The following LMX1B variants were observed in gnomAD, a reference collection of about 807,000 sequenced individuals.
LMX1B encodes the protein LIM homeobox transcription factor 1 beta, also known as LIM homeobox transcription factor 1-beta.
In LMX1B, 12 loss-of-function variants were observed where a neutral mutation model predicts 51.4. The ratio of observed to expected loss-of-function variants is 0.23; its 90% CI spans 0.15 to 0.38. LMX1B has a LOEUF of 0.38. Ranked by LOEUF, LMX1B falls within the 10% of genes least tolerant of loss-of-function variation. The probability of loss-of-function intolerance (pLI) is 1.00; values close to 1 mark genes in which losing one functional copy is unlikely to be tolerated. For missense variants in LMX1B, 445 were observed against 571.1 expected, an observed-to-expected ratio of 0.78 and a Z score of 2.25; for synonymous variants, 237 against 235.4, an observed-to-expected ratio of 1.01 and a Z score of -0.06.
chr9:126,614,340 C>T lies in LMX1B; in HGVS notation c.-110C>T. 5 of 780,306 alleles carry T rather than the reference C, an allele frequency of 6.4e-6. No homozygotes were observed. The highest frequency in any genetic ancestry group is 7.9e-6 in the Non-Finnish European group (5 of 633,340). The allele number at this position is 780,306 out of a possible 1,614,324, so 48.3% of individuals were successfully genotyped here. On this transcript the variant is annotated 5_prime_UTR_variant, in exon 1 of 8. Transcript: ENST00000373474. Reference sequence around the variant, plus strand: ...GCCGGGGGCCGGCGCAACCCCTGCCCTGCGGGGGCCGCGCCTCCCCGGTTC... The same window carrying T: ...GCCGGGGGCCGGCGCAACCCCTGCCTTGCGGGGGCCGCGCCTCCCCGGTTC...
chr9:126,691,083 G>T lies in LMX1B; in HGVS notation c.559+15G>T. On this transcript the variant is annotated intron_variant, in intron 3 of 7. Transcript: ENST00000373474. ...GTCCGACTCCGGTGAGGCCTGGCCTGAGCTGGGGGCAGGCCTCAGGGACGG... is the reference window on the plus strand; with the variant it reads ...GTCCGACTCCGGTGAGGCCTGGCCTTAGCTGGGGGCAGGCCTCAGGGACGG... 1 of 1,589,814 alleles carries T rather than the reference G, an allele frequency of 6.3e-7. No homozygotes were observed. The highest frequency in any genetic ancestry group is 8.6e-7 in the Non-Finnish European group (1 of 1,164,522).
intron 2 of LMX1B, among the ~76,000 whole-genome samples, chr9:126,621,102 TAAAG>T (rs1416046672): frequency 1.3e-5 from 2 of 151,842 alleles, no homozygotes; most frequent in Non-Finnish European, 2.9e-5. Flanking sequence ...TTCTAAAAAA[TAAAG>T]AAAAGGAAGA....
chr9:126,637,763 G>A lies in LMX1B; in HGVS notation c.326+22194G>A, dbSNP rs372162924. On this transcript the variant is annotated intron_variant, in intron 2 of 7. Coordinates refer to ENST00000373474, the MANE Select transcript of LMX1B (RefSeq NM_001174147.2). ...GGGAATTTCCTTTCACCTCTATCAC[G>A]TGCAGGGGAGGGCGGGGTGATGATG... Among the ~76,000 whole-genome samples the A allele has an allele frequency of 4.1e-4, 62 of 151,774 alleles. 1 individual carries two copies. The East Asian group carries it at 5.8e-3, about 14-fold the overall frequency.
intron 2 of LMX1B, among the ~76,000 whole-genome samples, chr9:126,682,588 T>C (rs1836696318): frequency 6.6e-6 from 1 of 152,082 alleles, no homozygotes; most frequent in Admixed American, 6.6e-5. Context: ...GGCCCGCACA[T>C]AGTAGACGCT....
At position 126,634,838 on chromosome 9, in the gene LMX1B, G is replaced by A. The variant is rs766950022; in HGVS notation, c.326+19269G>A. Among the ~76,000 whole-genome samples, 18 of 152,290 alleles carry A rather than the reference G, an allele frequency of 1.2e-4. No homozygotes were observed. The East Asian group carries it at 1.7e-3, about 15-fold the overall frequency. On this transcript the variant is annotated intron_variant, in intron 2 of 7. Transcript: ENST00000373474. ...CCAGGCAGGTGACATTTGGAGTCAC[G>A]AAAGGGGAGGAGGAGGGCTTTGCAG...
At chr9:126,645,344 G>C (rs545996773) in intron 2 of LMX1B, among the ~76,000 whole-genome samples, 1 of 152,346 alleles carries the variant, frequency 6.6e-6, no homozygotes, top group Non-Finnish European at 1.5e-5. Context: ...TGTCCTTGGG[G>C]AGCACCCAGT....
intron 2 of LMX1B, among the ~76,000 whole-genome samples, chr9:126,665,067 T>C (rs1321297461): frequency 1.3e-5 from 2 of 152,252 alleles, no homozygotes; most frequent in Non-Finnish European, 2.9e-5. Flanking sequence ...CAAGTGTCCA[T>C]TCAGGAATTG....
chr9:126,685,468 T>C (rs1836752649), intron 2 of LMX1B, among the ~76,000 whole-genome samples: 1 of 152,188 alleles, frequency 6.6e-6, no homozygotes, highest in South Asian at 2.1e-4. Context: ...GGTGTCTCTC[T>C]CCCAACCTTC....
Position 126,693,829 on chromosome 9 carries a change from G to A in LMX1B, c.886+17G>A, listed in dbSNP as rs1366783759. The A allele has an allele frequency of 1.7e-6, 2 of 1,175,152 alleles. No homozygotes were observed. Among genetic ancestry groups the A allele is most frequent in the African/African-American group, 1.5e-5 (1 of 66,020 alleles). 72.8% of individuals were successfully genotyped at this position (1,175,152 alleles called of 1,614,324 possible). On this transcript the variant is annotated intron_variant, in intron 6 of 7. Transcript: ENST00000373474. The stretch of plus-strand genomic sequence containing the variant: ...TGGGCCAGGGTGAGCCGGGGCCGGG[G>A]CAGGGCCTGGGCCAGGGTGAGCTGG...
rs939963089 is a variant in LMX1B, at chr9:126,691,611, A to AC, written c.559+549dup. Among the ~76,000 whole-genome samples the AC allele has an allele frequency of 6.0e-5, 9 of 148,922 alleles. No individual in the cohort carries two copies. The East Asian group carries it at 1.6e-3, about 27-fold the overall frequency. On this transcript the variant is annotated intron_variant, in intron 3 of 7. Coordinates refer to ENST00000373474, the MANE Select transcript of LMX1B (RefSeq NM_001174147.2). ...ACACACACCTCTTGTTCTCTGGCCC[A>AC]CCCCCCTTACCCTCTCTGCCTTGAT... is the stretch of plus-strand genomic sequence containing the variant.
chr9:126,621,655 C>CTTTTTTTTTTTTTT (rs71377950), intron 2 of LMX1B, among the ~76,000 whole-genome samples: 1 of 116,904 alleles, frequency 8.6e-6, no homozygotes, highest in African/African-American at 4.0e-5. Context: ...TCTCTCTCTT[C>CTTTTTTTTTTTTTT]TTTTTTTTTT....
chr9:126,664,417 G>A (rs546411316), intron 2 of LMX1B, among the ~76,000 whole-genome samples: 8 of 152,316 alleles, frequency 5.3e-5, no homozygotes, highest in African/African-American at 1.9e-4. Context: ...ATGGGGGGGA[G>A]GCAGTTATAC....
rs1239862380 is a variant in LMX1B at position 126,625,804 on chromosome 9, C to T, written c.326+10235C>T. 1.3e-5 allele frequency among the ~76,000 whole-genome samples: 2 copies of T among 152,212 alleles called. No homozygotes were observed. The highest frequency in any genetic ancestry group is 4.8e-5 in the African/African-American group (2 of 41,460). ...CCCTGTCTGCCGACTGGCCCTTCGACGTCGCCGCCGTGCCTGAGCCCCGCT... is the reference window on the plus strand; with the variant it reads ...CCCTGTCTGCCGACTGGCCCTTCGATGTCGCCGCCGTGCCTGAGCCCCGCT... On this transcript the variant is annotated intron_variant, in intron 2 of 7. Transcript: ENST00000373474. This position sits in a 1 kb window ranked among gnomAD's most constrained non-coding sequence, Gnocchi z 5.3.
At chr9:126,617,363 G>A (rs550483510) in intron 2 of LMX1B, among the ~76,000 whole-genome samples, 11 of 151,768 alleles carry the variant, frequency 7.2e-5, no homozygotes, top group Non-Finnish European at 8.8e-5. Context: ...AACTAAAACC[G>A]GCCTCCAAAT....
chr9:126,641,870 C>T lies in LMX1B; in HGVS notation c.326+26301C>T, dbSNP rs1231742993. Among the ~76,000 whole-genome samples the T allele has an allele frequency of 2.0e-5, 3 of 152,190 alleles. No individual in the cohort carries two copies. The highest frequency in any genetic ancestry group is 4.4e-5 in the Non-Finnish European group (3 of 68,042). On this transcript the variant is annotated intron_variant, in intron 2 of 7. Transcript: ENST00000373474. The surrounding 1 kb of genome is among the most constrained non-coding windows in gnomAD (Gnocchi z 4.1). ...CACAGCTGATGTGCCCCCATCCCAG[C>T]GAGGCCCTGGGCAGAGCACTTCACC...
rs773048475 is a variant in LMX1B at position 126,696,495 on chromosome 9, G to C, written c.*44G>C. ...GACGCTTGGGCAGGGGCCTGGGGGG[G>C]ACTGCCAGCCTCTGCGGCCAGCCTG... On this transcript the variant is annotated 3_prime_UTR_variant, in exon 8 of 8. Coordinates refer to ENST00000373474, the MANE Select transcript of LMX1B (RefSeq NM_001174147.2). 4 of 1,608,932 alleles carry C rather than the reference G, an allele frequency of 2.5e-6. No homozygotes were observed. Among genetic ancestry groups the C allele is most frequent in the East Asian group, 4.5e-5 (2 of 44,804 alleles).
intron 2 of LMX1B, among the ~76,000 whole-genome samples, chr9:126,657,621 C>T (rs937224555): frequency 2.3e-4 from 35 of 152,236 alleles, no homozygotes; most frequent in African/African-American, 8.2e-4. Flanking sequence ...TTGCCATTTC[C>T]ACAGGGGCAC....
intron 2 of LMX1B, among the ~76,000 whole-genome samples, chr9:126,662,972 G>A (rs1836273859): frequency 6.6e-6 from 1 of 152,222 alleles, no homozygotes; most frequent in Non-Finnish European, 1.5e-5. Context: ...CTGGCAAGGA[G>A]GGTGGCGTTG....
intron 2 of LMX1B, among the ~76,000 whole-genome samples, chr9:126,660,629 G>T (rs1307874247): frequency 6.6e-6 from 1 of 152,174 alleles, no homozygotes; most frequent in Non-Finnish European, 1.5e-5. Flanking sequence ...ATTGTGAAAG[G>T]CTTGTATCAA....
Sources: allele counts gnomAD v4.1 joint callset (sites outside exome capture counted in the v4.1 genomes callset), GRCh38; gene constraint gnomAD v4.1.1; non-coding constraint Gnocchi (gnomAD v3.1); transcripts MANE v1.5; gene names NCBI Gene and HGNC (gene_info 2026-07-23, HGNC 2026-07-21).